TAOK3: variants seen among roughly 807,000 people sequenced by gnomAD.
TAOK3 encodes TAO kinase 3.
TAOK3 carries 40 observed loss-of-function variants against 120.4 expected under a neutral mutation model. The ratio of observed to expected loss-of-function variants is 0.33; its 90% CI spans 0.26 to 0.43. TAOK3 has a LOEUF of 0.43. Ranked by LOEUF, TAOK3 falls within the 20% of genes least tolerant of loss-of-function variation. The probability of loss-of-function intolerance (pLI) is 1.00; values close to 1 mark genes in which losing one functional copy is unlikely to be tolerated. For synonymous variants in TAOK3, 355 were observed against 387.5 expected (o/e 0.92, Z 0.99); for missense variants, 821 against 1,112.1 (o/e 0.74, Z 3.72).
Position 118,246,712 on chromosome 12 carries a change from C to A in TAOK3, c.121-1747G>T. 7 of 1,589,240 alleles carry A rather than the reference C, an allele frequency of 4.4e-6. No homozygotes were observed. In the South Asian group the frequency reaches 6.6e-5, roughly 15 times the overall value. Reference sequence around the variant, plus strand: ...ACTGGCATCGTCTCCGCACCTGTGCCTAAGAAGCTGCTCATGATGGCTGGT... The same window carrying A: ...ACTGGCATCGTCTCCGCACCTGTGCATAAGAAGCTGCTCATGATGGCTGGT... On this transcript the variant is annotated intron_variant, in intron 3 of 20. Coordinates refer to ENST00000392533, the MANE Select transcript of TAOK3 (RefSeq NM_016281.4).
chr12:118,340,003 A>G (rs1183010620), intron 1 of TAOK3, among the ~76,000 whole-genome samples: 2 of 152,208 alleles, frequency 1.3e-5, no homozygotes, highest in East Asian at 3.8e-4. Context: ...GATCACTTCC[A>G]CATACCATTC....
At chr12:118,204,557 A>T (rs1039856324) in intron 11 of TAOK3, among the ~76,000 whole-genome samples, 1 of 152,198 alleles carries the variant, frequency 6.6e-6, no homozygotes, top group Non-Finnish European at 1.5e-5. Flanking sequence ...TGAATAAAAA[A>T]CATCATTCCC....
chr12:118,200,713 G>C (rs2037976984), intron 12 of TAOK3: 1 of 152,098 alleles, frequency 6.6e-6, no homozygotes, highest in South Asian at 2.1e-4. Flanking sequence ...CTTTTTCTCT[G>C]TTCTTGGTAT....
intron 14 of TAOK3, among the ~76,000 whole-genome samples, chr12:118,182,623 A>ATATATATATATATATATTT (rs371125415): frequency 5.4e-5 from 5 of 92,388 alleles, no homozygotes; most frequent in Non-Finnish European, 7.8e-5. Context: ...ATATATATAT[A>ATATATATATATATATATTT]TTTTTTTTTT....
At chr12:118,185,188 G>A (rs1250853606) in intron 14 of TAOK3, among the ~76,000 whole-genome samples, 2 of 151,710 alleles carry the variant, frequency 1.3e-5, no homozygotes, top group African/African-American at 2.4e-5. Context: ...CTTATTTCAT[G>A]TATCTAGAAT....
At chr12:118,342,958 AGAGAG>A (rs1187821331) in intron 1 of TAOK3, among the ~76,000 whole-genome samples, 1 of 122,134 alleles carries the variant, frequency 8.2e-6, no homozygotes, top group Non-Finnish European at 1.6e-5. Flanking sequence ...AAAAAAAAAA[AGAGAG>A]AGAGAGAGAG....
chr12:118,271,661 G>A (rs2041704846), intron 1 of TAOK3, among the ~76,000 whole-genome samples: 1 of 152,098 alleles, frequency 6.6e-6, no homozygotes, highest in South Asian at 2.1e-4. Context: ...GCGGATATAT[G>A]TTTTCATTTT....
chr12:118,326,716 G>T (rs962368225), intron 1 of TAOK3, among the ~76,000 whole-genome samples: 1 of 152,134 alleles, frequency 6.6e-6, no homozygotes, highest in Admixed American at 6.5e-5. Context: ...ACATTAGGCA[G>T]TTTATTAGTT....
intron 13 of TAOK3, among the ~76,000 whole-genome samples, chr12:118,197,085 T>C (rs180764452): frequency 2.6e-5 from 4 of 152,316 alleles, no homozygotes; most frequent in Non-Finnish European, 5.9e-5. Context: ...AGATAACATA[T>C]TTTAAAGCTC....
intron 9 of TAOK3, among the ~76,000 whole-genome samples, chr12:118,218,029 T>A (rs1393547930): frequency 6.7e-6 from 1 of 150,278 alleles, no homozygotes; most frequent in African/African-American, 2.4e-5. Context: ...CTCGCTAATT[T>A]TTTTGTATTT....
intron 1 of TAOK3, among the ~76,000 whole-genome samples, chr12:118,269,031 C>G (rs1593358251): frequency 6.6e-6 from 1 of 151,704 alleles, no homozygotes; most frequent in African/African-American, 2.4e-5. Context: ...GAAAAGAAAA[C>G]AAAAGAAAAG....
chr12:118,331,410 C>T (rs771597493), intron 1 of TAOK3, among the ~76,000 whole-genome samples: 12 of 151,962 alleles, frequency 7.9e-5, no homozygotes, highest in African/African-American at 2.7e-4. Flanking sequence ...TTTGGGAGGC[C>T]GAGGTAGGTG....
intron 1 of TAOK3, among the ~76,000 whole-genome samples, chr12:118,311,702 A>G (rs1399182282): frequency 6.6e-6 from 1 of 152,210 alleles, no homozygotes; most frequent in Non-Finnish European, 1.5e-5. Context: ...GGAAAAAGAA[A>G]TGGCAGGTGA....
chr12:118,250,340 C>T (rs2040695202), intron 3 of TAOK3, among the ~76,000 whole-genome samples: 1 of 152,172 alleles, frequency 6.6e-6, no homozygotes, highest in Admixed American at 6.6e-5. Flanking sequence ...TCTGTTTTCT[C>T]TGAACATAAC....
At chr12:118,224,901 A>G (rs552795090) in intron 9 of TAOK3, among the ~76,000 whole-genome samples, 16 of 152,280 alleles carry the variant, frequency 1.1e-4, no homozygotes, top group Admixed American at 2.0e-4. Flanking sequence ...GAGAGATATC[A>G]GAACAAAAGG....
intron 9 of TAOK3, among the ~76,000 whole-genome samples, chr12:118,224,324 A>T (rs556765869): frequency 6.6e-6 from 1 of 152,300 alleles, no homozygotes; most frequent in Non-Finnish European, 1.5e-5. Context: ...ACTAAATATA[A>T]CCCCTTCTCC....
chr12:118,221,976 A>T (rs947839036), intron 9 of TAOK3, among the ~76,000 whole-genome samples: 12 of 151,860 alleles, frequency 7.9e-5, no homozygotes, highest in Non-Finnish European at 1.8e-4. Flanking sequence ...GTAGAAGCAT[A>T]CAAACGTTGA....
intron 3 of TAOK3, among the ~76,000 whole-genome samples, chr12:118,247,443 A>G (rs1008369249): frequency 2.0e-5 from 3 of 152,032 alleles, no homozygotes; most frequent in Non-Finnish European, 4.4e-5. Context: ...AATTCAAGTA[A>G]TAGTCTTTTC....
chr12:118,160,471 A>AG lies in TAOK3; in HGVS notation c.2140-114_2140-113insC. 1 of 805,342 alleles carries AG rather than the reference A, an allele frequency of 1.2e-6. No homozygotes were observed. The highest frequency in any genetic ancestry group is 2.0e-6 in the Non-Finnish European group (1 of 500,560). The allele number at this position is 805,342 out of a possible 1,614,324, so 49.9% of individuals were successfully genotyped here. On this transcript the variant is annotated intron_variant, in intron 18 of 20. Transcript: ENST00000392533. The surrounding 1 kb of genome is among the most constrained non-coding windows in gnomAD (Gnocchi z 4.2). Reference sequence around the variant, plus strand: ...AGAGCGTCTGTTTTTTGGTGCAGTGACTCACATTGCTAATCAATAAAAATC... The same window carrying AG: ...AGAGCGTCTGTTTTTTGGTGCAGTGAGCTCACATTGCTAATCAATAAAAATC...
Sources: allele counts gnomAD v4.1 joint callset (sites outside exome capture counted in the v4.1 genomes callset), GRCh38; gene constraint gnomAD v4.1.1; non-coding constraint Gnocchi (gnomAD v3.1); transcripts MANE v1.5; gene names NCBI Gene and HGNC (gene_info 2026-07-23, HGNC 2026-07-21).